SLC39A11: variants seen among roughly 807,000 people sequenced by gnomAD.
The protein encoded by SLC39A11 is zinc transporter ZIP11.
Under a neutral mutation model 36.1 loss-of-function variants are expected in SLC39A11, and 33 were observed. The ratio of observed to expected loss-of-function variants is 0.91; its 90% CI spans 0.69 to 1.22. SLC39A11 has a LOEUF of 1.22. SLC39A11 is among the 50% of genes most tolerant of loss of function. SLC39A11 has a pLI of 0.00. For missense variants in SLC39A11, 432 were observed against 430.3 expected (o/e 1.00, Z -0.03); for synonymous variants, 166 against 170.3 (o/e 0.97, Z 0.20).
chr17:72,657,647 TACTC>T (rs1368583317), intron 7 of SLC39A11, among the ~76,000 whole-genome samples: 4 of 152,174 alleles, frequency 2.6e-5, no homozygotes, highest in East Asian at 1.9e-4. Context: ...ATATAGGACT[TACTC>T]AGTGCTAAAC....
intron 7 of SLC39A11, among the ~76,000 whole-genome samples, chr17:72,651,779 G>A (rs367818945): frequency 6.6e-6 from 1 of 152,180 alleles, no homozygotes; most frequent in Non-Finnish European, 1.5e-5. Flanking sequence ...CAGAAGCATT[G>A]AGCCTGTCTC....
chr17:72,904,488 G>C (rs1421910431), intron 5 of SLC39A11, among the ~76,000 whole-genome samples: 1 of 152,198 alleles, frequency 6.6e-6, no homozygotes, highest in African/African-American at 2.4e-5. Context: ...TGCATGGCAA[G>C]AGTCTGTCAC....
intron 4 of SLC39A11, among the ~76,000 whole-genome samples, chr17:72,961,334 T>C (rs2086594619): frequency 6.7e-6 from 1 of 150,138 alleles, no homozygotes; most frequent in Non-Finnish European, 1.5e-5. Context: ...AGTGTGGTGA[T>C]TCCTCAAGGA....
intron 6 of SLC39A11, among the ~76,000 whole-genome samples, chr17:72,765,360 A>G (rs1255935766): frequency 1.3e-5 from 2 of 152,190 alleles, no homozygotes; most frequent in South Asian, 2.1e-4. Context: ...AGCAGCACCC[A>G]TTCCCTTGCC....
intron 3 of SLC39A11, among the ~76,000 whole-genome samples, chr17:73,046,362 T>C (rs1007178507): frequency 1.3e-5 from 2 of 152,100 alleles, no homozygotes; most frequent in Non-Finnish European, 2.9e-5. Context: ...CAGTCTCCCA[T>C]GCGTATGGTG....
rs910034704 is a variant in SLC39A11 at position 72,709,667 on chromosome 17, A to T, written c.671+26983T>A. The stretch of plus-strand genomic sequence containing the variant: ...ATGAGAGAGACAGGGAGAGAGAGAG[A>T]ACTTTCCAGGTTCAATTTCAGTTCA... On this transcript the variant is annotated intron_variant, in intron 7 of 9. Transcript: ENST00000255559. 2.6e-5 allele frequency among the ~76,000 whole-genome samples: 4 copies of T among 152,284 alleles called. No homozygotes were observed. In the East Asian group the frequency reaches 7.7e-4, roughly 29 times the overall value.
chr17:73,092,331 G>A (rs2060951148), intron 1 of SLC39A11: 1 of 152,246 alleles, frequency 6.6e-6, no homozygotes, highest in Admixed American at 6.5e-5. Context: ...TTTGGGTTAG[G>A]ACTGTAAAAG....
At chr17:72,985,041 T>C (rs555963415) in intron 4 of SLC39A11, among the ~76,000 whole-genome samples, 18 of 152,270 alleles carry the variant, frequency 1.2e-4, no homozygotes, top group African/African-American at 3.6e-4. Context: ...CAGAGCACAC[T>C]AGGAGGCCCA....
In SLC39A11 at chr17:72,647,449, T is replaced by C. The variant is rs192608257; in HGVS notation, c.*135A>G. The stretch of plus-strand genomic sequence containing the variant: ...AAAAATGGTTCTATTATAATCAGAG[T>C]CAATCAGGATAATGAGATGAAGAAG... On this transcript the variant is annotated 3_prime_UTR_variant, in exon 10 of 10. Transcript: ENST00000255559. 1.3e-5 allele frequency: 8 copies of C among 619,652 alleles called. No homozygotes were observed. The highest frequency in any genetic ancestry group is 4.6e-4 in the Middle Eastern group (1 of 2,196). 38.4% of individuals were successfully genotyped at this position (619,652 alleles called of 1,614,324 possible). A position where few individuals can be genotyped will look rare whatever the true frequency, so the allele number is the denominator to read the frequency against.
At chr17:72,771,354 T>TAAAAAAA (rs4036979) in intron 6 of SLC39A11, among the ~76,000 whole-genome samples, 1 of 142,914 alleles carries the variant, frequency 7.0e-6, no homozygotes, top group African/African-American at 2.6e-5. Flanking sequence ...AGACCCTATC[T>TAAAAAAA]AAAAAAAAAA....
intron 6 of SLC39A11, among the ~76,000 whole-genome samples, chr17:72,768,073 C>T (rs2144653911): frequency 6.6e-6 from 1 of 152,204 alleles, no homozygotes; most frequent in South Asian, 2.1e-4. Flanking sequence ...GAGTTGCTCC[C>T]TGGTGGGGGC....
At position 72,897,153 on chromosome 17, in the gene SLC39A11, A is replaced by T. The variant is rs116756254; in HGVS notation, c.431-47349T>A. Among the ~76,000 whole-genome samples the T allele has an allele frequency of 6.9e-3, 1,049 of 152,004 alleles. 12 individuals carry two copies. Among genetic ancestry groups the T allele is most frequent in the African/African-American group, 0.024 (987 of 41,434 alleles). On this transcript the variant is annotated intron_variant, in intron 5 of 9. Coordinates refer to ENST00000255559, the MANE Select transcript of SLC39A11 (RefSeq NM_139177.4). ...ATTTGGAAAGGACCAGGAAGCATGGAAACCAATTTGGGAGCTCCTGTAGTA... is the reference window on the plus strand; with the variant it reads ...ATTTGGAAAGGACCAGGAAGCATGGTAACCAATTTGGGAGCTCCTGTAGTA...
intron 4 of SLC39A11, among the ~76,000 whole-genome samples, chr17:72,958,301 G>A (rs951472231): frequency 2.6e-4 from 39 of 152,266 alleles, no homozygotes; most frequent in East Asian, 1.9e-4. Context: ...ATTGGTTTAG[G>A]CAAGGATTTC....
intron 3 of SLC39A11, among the ~76,000 whole-genome samples, chr17:73,084,519 G>T: frequency 1.3e-5 from 2 of 148,548 alleles, no homozygotes; most frequent in Non-Finnish European, 1.5e-5. Context: ...TATTTAGTTA[G>T]AGCCAACTAT....
intron 4 of SLC39A11, among the ~76,000 whole-genome samples, chr17:72,958,706 C>A (rs1310788220): frequency 2.0e-5 from 3 of 152,016 alleles, no homozygotes; most frequent in Non-Finnish European, 2.9e-5. Flanking sequence ...CAAAAATTAG[C>A]CAGGTGTGAT....
At chr17:72,922,271 A>C (rs1160354757) in intron 5 of SLC39A11, among the ~76,000 whole-genome samples, 1 of 152,218 alleles carries the variant, frequency 6.6e-6, no homozygotes, top group Non-Finnish European at 1.5e-5. Flanking sequence ...TTTCACATTT[A>C]TTATTCTAAG....
intron 5 of SLC39A11, among the ~76,000 whole-genome samples, chr17:72,882,169 A>G (rs1190794904): frequency 6.6e-6 from 1 of 152,114 alleles, no homozygotes. Flanking sequence ...CCTGGCCAAC[A>G]TGTCGAAACC....
At chr17:72,915,791 C>T (rs1211024490) in intron 5 of SLC39A11, among the ~76,000 whole-genome samples, 1 of 152,234 alleles carries the variant, frequency 6.6e-6, no homozygotes, top group African/African-American at 2.4e-5. Context: ...CTCCTATATT[C>T]ACACCTTTGT....
rs757672470 is a variant in SLC39A11, at chr17:72,647,690, AAGACCTTAATG to A, written c.930-39_930-29del. 5.7e-5 allele frequency: 91 copies of A among 1,602,966 alleles called. 1 individual carries two copies. Among genetic ancestry groups the A allele is most frequent in the Admixed American group, 1.0e-4 (6 of 59,824 alleles). On this transcript the variant is annotated intron_variant, in intron 9 of 9. Transcript: ENST00000255559. ...GGAAGAGAAGGACAGGAAGAAAAGT[AAGACCTTAATG>A]ATCCCTGAGGCCACGGCTAGGCTGA...
Sources: gnomAD v4.1 joint callset for allele counts (sites outside exome capture counted in the v4.1 genomes callset) on GRCh38, gnomAD v4.1.1 for gene constraint, MANE v1.5 for transcripts, NCBI Gene and HGNC (gene_info 2026-07-23, HGNC 2026-07-21) for gene names.